Variants in OLA1 observed in about 807,000 individuals in gnomAD.
OLA1 encodes the protein Obg like ATPase 1, also known as obg-like ATPase 1.
Under a neutral mutation model 48.4 loss-of-function variants are expected in OLA1, and 14 were observed. The observed-to-expected ratio is 0.29, with a 90% CI of 0.19 to 0.45. OLA1 has a LOEUF of 0.45. OLA1 is among the 20% of genes least tolerant of loss of function. OLA1 has a pLI of 1.00. For synonymous variants in OLA1, 127 were observed against 150.4 expected (o/e 0.84, Z 1.14); for missense variants, 325 against 467.1 (o/e 0.70, Z 2.80).
intron 4 of OLA1, 117 bp from the exon 5 acceptor site, chr2:174,142,117 C>T (rs1161927350): frequency 1.1e-6 from 1 of 911,986 alleles, no homozygotes; most frequent in Non-Finnish European, 1.6e-6. Context: ...ATTACTCTGG[C>T]TTCTTGGCAA....
chr2:174,211,224 T>C (rs200007405), intron 4 of OLA1, among the ~76,000 whole-genome samples: 1 of 147,502 alleles, frequency 6.8e-6, no homozygotes, highest in Non-Finnish European at 1.5e-5. Flanking sequence ...CTCTCTCTCT[T>C]TCTCTCACTA....
chr2:174,140,175 T>C (rs536277752), intron 5 of OLA1, among the ~76,000 whole-genome samples: 1 of 152,176 alleles, frequency 6.6e-6, no homozygotes, highest in Non-Finnish European at 1.5e-5. Context: ...AATAGGTAAA[T>C]ACCTGGTAAA....
chr2:174,149,558 G>A (rs190618722), intron 4 of OLA1, among the ~76,000 whole-genome samples: 51 of 152,158 alleles, frequency 3.4e-4, no homozygotes, highest in African/African-American at 1.1e-3. Flanking sequence ...GTGAATAAAC[G>A]CAAAATGTCA....
chr2:174,173,187 G>A (rs753483721), intron 4 of OLA1, among the ~76,000 whole-genome samples: 8 of 152,086 alleles, frequency 5.3e-5, no homozygotes, highest in South Asian at 2.1e-4. Flanking sequence ...GCAAAGTGGC[G>A]AAAAACATCA....
At chr2:174,230,054 A>G (rs1259885797) in intron 2 of OLA1, among the ~76,000 whole-genome samples, 1 of 152,214 alleles carries the variant, frequency 6.6e-6, no homozygotes, top group East Asian at 1.9e-4. Context: ...TATAATATCT[A>G]TTAATATGGA....
intron 4 of OLA1, among the ~76,000 whole-genome samples, chr2:174,160,434 T>C (rs1402343677): frequency 1.3e-5 from 2 of 152,216 alleles, no homozygotes; most frequent in Non-Finnish European, 2.9e-5. Flanking sequence ...TAAAAATTGC[T>C]ACCTTTTAAT....
chr2:174,156,373 G>T (rs1457262926), intron 4 of OLA1, among the ~76,000 whole-genome samples: 1 of 152,040 alleles, frequency 6.6e-6, no homozygotes, highest in Non-Finnish European at 1.5e-5. Context: ...AAATGCATTA[G>T]TACATACTGA....
chr2:174,173,860 TA>T (rs1223517870), intron 4 of OLA1, among the ~76,000 whole-genome samples: 2 of 152,040 alleles, frequency 1.3e-5, no homozygotes, highest in Non-Finnish European at 2.9e-5. Context: ...AGAATATTAA[TA>T]ACTTTATGCC....
chr2:174,103,666 G>A (rs375911045), intron 7 of OLA1, among the ~76,000 whole-genome samples: 1 of 152,090 alleles, frequency 6.6e-6, no homozygotes, highest in South Asian at 2.1e-4. Flanking sequence ...CCAGCTATTT[G>A]ATCAATCAAC....
chr2:174,196,286 G>C (rs181509385), intron 4 of OLA1, among the ~76,000 whole-genome samples: 1 of 152,176 alleles, frequency 6.6e-6, no homozygotes, highest in Admixed American at 6.5e-5. Flanking sequence ...CATATTAAGA[G>C]CATTAAATTT....
chr2:174,212,270 GGTAA>G (rs759414514), intron 4 of OLA1, among the ~76,000 whole-genome samples: 18 of 152,138 alleles, frequency 1.2e-4, no homozygotes, highest in African/African-American at 3.4e-4. Context: ...GTAACACAAT[GGTAA>G]GTATTTGTGT....
intron 4 of OLA1, among the ~76,000 whole-genome samples, chr2:174,174,053 C>CA (rs1687368734): frequency 4.3e-5 from 5 of 116,168 alleles, no homozygotes; most frequent in Admixed American, 1.7e-4. Flanking sequence ...AAAAAAAAAA[C>CA]AAAAAAAAAC....
chr2:174,131,276 G>T (rs1686174160), intron 5 of OLA1, among the ~76,000 whole-genome samples: 1 of 151,910 alleles, frequency 6.6e-6, no homozygotes, highest in South Asian at 2.1e-4. Context: ...ATTCATCCAT[G>T]TCATTCCATG....
At chr2:174,153,137 G>T (rs1049311284) in intron 4 of OLA1, among the ~76,000 whole-genome samples, 2 of 152,086 alleles carry the variant, frequency 1.3e-5, no homozygotes, top group African/African-American at 4.8e-5. Flanking sequence ...TAAAATTAAA[G>T]AAATTATAAA....
At chr2:174,247,617 T>C (rs1029833564) in intron 1 of OLA1, 1 of 1,548,998 alleles carries the variant, frequency 6.5e-7, no homozygotes, top group Non-Finnish European at 8.7e-7. Flanking sequence ...ATCTGGAATC[T>C]TATCTTTCCC....
intron 4 of OLA1, among the ~76,000 whole-genome samples, chr2:174,189,205 G>T (rs911248885): frequency 6.6e-6 from 1 of 151,902 alleles, no homozygotes; most frequent in Non-Finnish European, 1.5e-5. Flanking sequence ...GTGGATTAGA[G>T]ATTTACAAAG....
At chr2:174,220,178 A>G (rs1436139827) in intron 4 of OLA1, among the ~76,000 whole-genome samples, 3 of 152,146 alleles carry the variant, frequency 2.0e-5, no homozygotes, top group Non-Finnish European at 2.9e-5. Context: ...TGAGATGGAT[A>G]TCTTTAATAT....
intron 4 of OLA1, among the ~76,000 whole-genome samples, chr2:174,159,347 C>G (rs1002036035): frequency 6.6e-6 from 1 of 152,146 alleles, no homozygotes; most frequent in Admixed American, 6.5e-5. Context: ...TAAGTGACTA[C>G]TTTCTTTAAA....
intron 1 of OLA1, chr2:174,247,635 C>T: frequency 3.2e-6 from 5 of 1,550,462 alleles, no homozygotes; most frequent in Non-Finnish European, 4.4e-6. Flanking sequence ...CCCATTCGCC[C>T]ACAACCCCCA....
Sources: gnomAD v4.1 joint callset for allele counts (sites outside exome capture counted in the v4.1 genomes callset) on GRCh38, gnomAD v4.1.1 for gene constraint, MANE v1.5 for transcripts, NCBI Gene and HGNC (gene_info 2026-07-23, HGNC 2026-07-21) for gene names.